Variants in TAFA5 observed in about 807,000 individuals in gnomAD.
TAFA5 encodes TAFA chemokine like family member 5, also known as chemokine-like protein TAFA-5.
TAFA5 carries 6 observed loss-of-function variants against 15.3 expected under a neutral mutation model. The ratio of observed to expected loss-of-function variants is 0.39; its 90% confidence interval spans 0.21 to 0.77. The LOEUF is 0.77. Ranked by LOEUF, TAFA5 falls within the 30% of genes least tolerant of loss-of-function variation. TAFA5 has a pLI of 0.41. For synonymous variants in TAFA5, 103 were observed against 80.7 expected (o/e 1.28, Z -1.48); for missense variants, 161 against 193.1 (o/e 0.83, Z 0.98).
At chr22:48,507,456 C>T (rs974271083) in intron 1 of TAFA5, among the ~76,000 whole-genome samples, 4 of 152,214 alleles carry the variant, frequency 2.6e-5, no homozygotes, top group African/African-American at 9.6e-5. Context: ...TGGAAAATCG[C>T]CAGACGTGGT....
intron 1 of TAFA5, among the ~76,000 whole-genome samples, chr22:48,525,716 G>A (rs945171934): frequency 2.6e-5 from 4 of 152,226 alleles, no homozygotes; most frequent in South Asian, 2.1e-4. Context: ...CTGGTACCCC[G>A]CCTAAAGAAG....
At chr22:48,599,410 G>A (rs1018873757) in intron 1 of TAFA5, among the ~76,000 whole-genome samples, 4 of 152,234 alleles carry the variant, frequency 2.6e-5, no homozygotes, top group Non-Finnish European at 5.9e-5. Flanking sequence ...CGCATCGTTT[G>A]GGCCATTGGG....
intron 2 of TAFA5, among the ~76,000 whole-genome samples, chr22:48,654,713 TGACTAATAACTGTCTGGC>T (rs1927177939): frequency 6.6e-6 from 1 of 152,208 alleles, no homozygotes; most frequent in African/African-American, 2.4e-5. Context: ...ATGACTCAAA[TGACTAATAACTGTCTGGC>T]GTGGAGGAAA....
At chr22:48,491,384 G>A (rs141415191) in intron 1 of TAFA5, among the ~76,000 whole-genome samples, 2 of 152,100 alleles carry the variant, frequency 1.3e-5, no homozygotes, top group African/African-American at 4.8e-5. Flanking sequence ...GGAGAGGAGA[G>A]AGAGGAGAGG....
chr22:48,496,257 G>A (rs1218411150), intron 1 of TAFA5, among the ~76,000 whole-genome samples: 1 of 151,960 alleles, frequency 6.6e-6, no homozygotes. Flanking sequence ...TGCTGGCCTC[G>A]GGGGACTGAC....
intron 3 of TAFA5, among the ~76,000 whole-genome samples, chr22:48,725,757 A>G (rs1929697246): frequency 6.6e-6 from 1 of 152,118 alleles, no homozygotes; most frequent in Non-Finnish European, 1.5e-5. Flanking sequence ...AAATGGAACA[A>G]AACAGATAAA....
chr22:48,678,614 G>A lies in TAFA5; in HGVS notation c.263-29103G>A, dbSNP rs1288160518. Among the ~76,000 whole-genome samples the A allele has an allele frequency of 2.2e-5, 3 of 133,932 alleles. No homozygotes were observed. In the East Asian group the frequency reaches 7.0e-4, roughly 31 times the overall value. 87.9% of individuals were successfully genotyped at this position (133,932 alleles called of 152,430 possible). A position where few individuals can be genotyped will look rare whatever the true frequency, so the allele number is the denominator to read the frequency against. On this transcript the variant is annotated intron_variant, in intron 2 of 3. Transcript: ENST00000402357. Reference sequence around the variant, plus strand: ...GCGGCAGGCGGGGCCAGGGCTGCAGGTGGTGCGGCCTCTGTCCCACACGTG... The same window carrying A: ...GCGGCAGGCGGGGCCAGGGCTGCAGATGGTGCGGCCTCTGTCCCACACGTG...
rs1601570601 is a variant in TAFA5, at chr22:48,546,789, G to C, written c.112+57085G>C. 5 of 347,788 alleles carry C rather than the reference G, an allele frequency of 1.4e-5. No individual in the cohort carries two copies. In the East Asian group the frequency reaches 3.8e-4, roughly 27 times the overall value. 21.5% of individuals were successfully genotyped at this position (347,788 alleles called of 1,614,324 possible). On this transcript the variant is annotated intron_variant, in intron 1 of 3. Coordinates refer to ENST00000402357, the MANE Select transcript of TAFA5 (RefSeq NM_001082967.3). ...CTAGGCCATCCGCTGTTTCAGGAGG[G>C]TTGATTCCCGAAGTCACCGGCTCTG...
At chr22:48,682,469 G>T (rs1396204571) in intron 2 of TAFA5, among the ~76,000 whole-genome samples, 1 of 152,200 alleles carries the variant, frequency 6.6e-6, no homozygotes, top group Non-Finnish European at 1.5e-5. Flanking sequence ...CTGTCCCCTG[G>T]TGACCCCACG....
chr22:48,587,650 C>T (rs951715684), intron 1 of TAFA5, among the ~76,000 whole-genome samples: 4 of 152,188 alleles, frequency 2.6e-5, no homozygotes, highest in South Asian at 2.1e-4. Context: ...CTGATGGGGC[C>T]GCCCTGTGGG....
At chr22:48,576,618 C>T (rs1923816880) in intron 1 of TAFA5, 8 of 1,329,982 alleles carry the variant, frequency 6.0e-6, no homozygotes, top group Non-Finnish European at 7.8e-6. Flanking sequence ...CTCTGCCCGG[C>T]TCGCGGCGGC....
chr22:48,618,825 T>C (rs937796155), intron 1 of TAFA5, among the ~76,000 whole-genome samples: 4 of 152,206 alleles, frequency 2.6e-5, no homozygotes, highest in African/African-American at 9.6e-5. Context: ...GTGAGGCTGC[T>C]TCACACCCAT....
chr22:48,637,692 G>A (rs530641679), intron 1 of TAFA5, among the ~76,000 whole-genome samples: 2 of 152,186 alleles, frequency 1.3e-5, no homozygotes, highest in East Asian at 1.9e-4. Flanking sequence ...GCGCATCTGT[G>A]TGTGCACGTG....
At chr22:48,509,651 G>A (rs1465317047) in intron 1 of TAFA5, among the ~76,000 whole-genome samples, 1 of 152,176 alleles carries the variant, frequency 6.6e-6, no homozygotes, top group African/African-American at 2.4e-5. Context: ...ACGTCCACAT[G>A]CAAAAGAATG....
chr22:48,564,200 AG>A (rs1023385995), intron 1 of TAFA5, among the ~76,000 whole-genome samples: 15 of 152,252 alleles, frequency 9.9e-5, no homozygotes, highest in African/African-American at 3.6e-4. Context: ...GAATGAGCAA[AG>A]GCCGTTACTC....
chr22:48,714,860 A>AG (rs1382364828), intron 3 of TAFA5, among the ~76,000 whole-genome samples: 1 of 152,166 alleles, frequency 6.6e-6, no homozygotes, highest in African/African-American at 2.4e-5. Flanking sequence ...GCTCTCGAGG[A>AG]GGCCCCTCTT....
chr22:48,540,848 G>A (rs974569821), intron 1 of TAFA5, among the ~76,000 whole-genome samples: 2 of 145,398 alleles, frequency 1.4e-5, no homozygotes, highest in Non-Finnish European at 3.0e-5. Flanking sequence ...TTTTGTGTTT[G>A]CCTGTCAGAC....
rs567354628 is a variant in TAFA5 at position 48,683,065 on chromosome 22, A to C, written c.263-24652A>C. ...AAACAGCTCCTTGCTTGCTTTCCAC[A>C]CTTACCTTCCGTTGACTTATTTAAT... On this transcript the variant is annotated intron_variant, in intron 2 of 3. Transcript: ENST00000402357. Among the ~76,000 whole-genome samples, 119 of 152,142 alleles carry C rather than the reference A, an allele frequency of 7.8e-4. 1 individual carries two copies. Among genetic ancestry groups the C allele is most frequent in the African/African-American group, 2.8e-3 (118 of 41,448 alleles).
At chr22:48,634,121 C>CTCAA (rs1926349173) in intron 1 of TAFA5, among the ~76,000 whole-genome samples, 1 of 10,078 alleles carries the variant, frequency 9.9e-5, no homozygotes, top group Non-Finnish European at 1.8e-4. Context: ...CACTCACTCG[C>CTCAA]TCACTCACTC....
Sources: allele counts gnomAD v4.1 joint callset (sites outside exome capture counted in the v4.1 genomes callset), GRCh38; gene constraint gnomAD v4.1.1; transcripts MANE v1.5; gene names NCBI Gene and HGNC (gene_info 2026-07-23, HGNC 2026-07-21).